Variants in BANK1 observed in about 807,000 individuals in gnomAD.
BANK1 encodes the protein B cell scaffold protein with ankyrin repeats 1, also known as B-cell scaffold protein with ankyrin repeats.
Under a neutral mutation model 94.5 loss-of-function variants are expected in BANK1, and 95 were observed. That is an observed-to-expected ratio of 1.00 (90% CI 0.85 to 1.19). The LOEUF is 1.19. Among genes scored for constraint, BANK1 ranks in the 50% most tolerant of loss-of-function variants. The pLI is 0.00. For missense variants in BANK1, 987 were observed against 932.2 expected, an observed-to-expected ratio of 1.06 and a Z score of -0.77; for synonymous variants, 334 against 308.4, an observed-to-expected ratio of 1.08 and a Z score of -0.87.
At chr4:101,950,018 GGTGTGTGTGTGT>G (rs6148602) in intron 7 of BANK1, among the ~76,000 whole-genome samples, 4,139 of 149,376 alleles carry the variant, frequency 0.028, 192 homozygotes, top group African/African-American at 0.096. Context: ...GGAAGTAAGG[GGTGTGTGTGTGT>G]GTGTGTGTGT....
intron 13 of BANK1, 114 bp downstream of exon 13, chr4:102,063,252 G>A (rs1047849965): frequency 5.6e-6 from 5 of 891,044 alleles, no homozygotes; most frequent in South Asian, 5.2e-5. Flanking sequence ...ATTCCCAGCT[G>A]TCTAACCTGG....
At chr4:101,938,932 G>A (rs915734127) in intron 7 of BANK1, among the ~76,000 whole-genome samples, 1 of 151,622 alleles carries the variant, frequency 6.6e-6, no homozygotes, top group African/African-American at 2.4e-5. Context: ...CAAAAGCTGT[G>A]GTTTATTCAC....
At chr4:102,013,327 C>T (rs146449426) in intron 7 of BANK1, among the ~76,000 whole-genome samples, 25 of 152,226 alleles carry the variant, frequency 1.6e-4, no homozygotes, top group Non-Finnish European at 2.5e-4. Flanking sequence ...TGAGTCAGCA[C>T]TGGTCCTCTC....
chr4:101,934,505 C>T (rs1023880561), intron 7 of BANK1, among the ~76,000 whole-genome samples: 1 of 151,342 alleles, frequency 6.6e-6, no homozygotes, highest in Admixed American at 6.6e-5. Context: ...CACATGCATC[C>T]CAAATGAATT....
At chr4:101,939,057 C>T (rs374432118) in intron 7 of BANK1, among the ~76,000 whole-genome samples, 99 of 151,796 alleles carry the variant, frequency 6.5e-4, no homozygotes, top group African/African-American at 2.2e-3. Context: ...TTGCCAAAAT[C>T]CCCATTCTTC....
chr4:101,936,096 G>A (rs1310361507), intron 7 of BANK1, among the ~76,000 whole-genome samples: 1 of 151,110 alleles, frequency 6.6e-6, no homozygotes, highest in African/African-American at 2.4e-5. Context: ...GAAACAATAA[G>A]CAAAGTGAAG....
intron 13 of BANK1, 108 bp downstream of exon 13, chr4:102,063,246 C>T (rs2148964896): frequency 2.1e-6 from 2 of 961,066 alleles, no homozygotes; most frequent in Non-Finnish European, 3.2e-6. Context: ...TCAACAATTC[C>T]CAGCTGTCTA....
intron 1 of BANK1, among the ~76,000 whole-genome samples, chr4:101,804,474 A>T (rs1456052667): frequency 6.6e-6 from 1 of 152,096 alleles, no homozygotes; most frequent in Non-Finnish European, 1.5e-5. Flanking sequence ...ATGCCATGGG[A>T]CTCATGGGAA....
intron 7 of BANK1, among the ~76,000 whole-genome samples, chr4:101,992,134 A>G (rs1424695403): frequency 6.6e-6 from 1 of 152,166 alleles, no homozygotes; most frequent in East Asian, 1.9e-4. Context: ...CTAAAAATTG[A>G]ACTCAGTTTT....
At chr4:101,791,208 A>G (rs969842856) in intron 1 of BANK1, among the ~76,000 whole-genome samples, 1 of 139,998 alleles carries the variant, frequency 7.1e-6, no homozygotes, top group Non-Finnish European at 1.7e-5. Context: ...AGTGTCTGCA[A>G]CTTCTGAGGA....
At chr4:101,867,071 C>T (rs1347635921) in intron 4 of BANK1, among the ~76,000 whole-genome samples, 2 of 56,080 alleles carry the variant, frequency 3.6e-5, no homozygotes, top group South Asian at 5.4e-4. Context: ...TGCTAGATGA[C>T]ACATTAGTGG....
At chr4:101,794,885 T>A (rs1725101952) in intron 1 of BANK1, among the ~76,000 whole-genome samples, 1 of 152,112 alleles carries the variant, frequency 6.6e-6, no homozygotes, top group African/African-American at 2.4e-5. Flanking sequence ...CATTAAAATA[T>A]GTTTTTATGT....
At chr4:102,011,176 C>T (rs1021926110) in intron 7 of BANK1, among the ~76,000 whole-genome samples, 1 of 152,092 alleles carries the variant, frequency 6.6e-6, no homozygotes, top group African/African-American at 2.4e-5. Flanking sequence ...GGAAAATTTC[C>T]CCAAAGGTAT....
intron 1 of BANK1, among the ~76,000 whole-genome samples, chr4:101,813,509 C>T (rs1445184414): frequency 6.6e-6 from 1 of 152,164 alleles, no homozygotes; most frequent in African/African-American, 2.4e-5. Flanking sequence ...TACCAAAGTG[C>T]TTAGTTACTT....
intron 6 of BANK1, among the ~76,000 whole-genome samples, chr4:101,912,222 C>A (rs1034365240): frequency 7.2e-5 from 11 of 152,158 alleles, no homozygotes; most frequent in African/African-American, 2.6e-4. Context: ...CACTGTATAC[C>A]ACACTCTATT....
rs779460080 is a variant in BANK1, at chr4:102,030,299, T to G, written c.1900+34T>G. ...CATTGTTGTTTGTTTACTTGTTAAT[T>G]TTTTTTGTCCAAAATTTTGAGGATG... On this transcript the variant is annotated intron_variant, in intron 10 of 16. Transcript: ENST00000322953. The G allele has an allele frequency of 2.6e-6, 4 of 1,524,512 alleles. No individual in the cohort carries two copies. The African/African-American group carries it at 4.2e-5, about 16-fold the overall frequency. The allele number at this position is 1,524,512 out of a possible 1,614,324, so 94.4% of individuals were successfully genotyped here.
intron 7 of BANK1, among the ~76,000 whole-genome samples, chr4:101,973,513 A>G (rs1725024031): frequency 1.3e-5 from 2 of 152,078 alleles, no homozygotes; most frequent in Non-Finnish European, 1.5e-5. Context: ...TGCCTTAGTC[A>G]CTAAACTTTC....
intron 7 of BANK1, among the ~76,000 whole-genome samples, chr4:102,002,039 A>T (rs567243173): frequency 6.6e-6 from 1 of 152,316 alleles, no homozygotes; most frequent in Non-Finnish European, 1.5e-5. Flanking sequence ...CTGTCTCCCA[A>T]CACCTCCATG....
At chr4:101,841,615 C>A (rs1306426449) in intron 2 of BANK1, among the ~76,000 whole-genome samples, 6 of 128,920 alleles carry the variant, frequency 4.7e-5, no homozygotes, top group Admixed American at 8.4e-5. Flanking sequence ...TGGTAATAAT[C>A]TTTTATTATT....
Sources: gnomAD v4.1 joint callset for allele counts (sites outside exome capture counted in the v4.1 genomes callset) on GRCh38, gnomAD v4.1.1 for gene constraint, MANE v1.5 for transcripts, NCBI Gene and HGNC (gene_info 2026-07-23, HGNC 2026-07-21) for gene names.